NR2C2: variants seen among roughly 807,000 people sequenced by gnomAD.
NR2C2 encodes Nuclear hormone receptor TR4.
Under a neutral mutation model 62.9 loss-of-function variants are expected in NR2C2, and 6 were observed. That is an observed-to-expected ratio of 0.10 (90% CI 0.05 to 0.19). The LOEUF (loss-of-function observed/expected upper bound fraction) is 0.19. NR2C2 is among the 10% of genes least tolerant of loss of function. The pLI, the probability that NR2C2 is intolerant of heterozygous loss-of-function variation, is 1.00. For missense variants in NR2C2, 479 were observed against 762.7 expected (o/e 0.63, Z 4.38); for synonymous variants, 272 against 273.8 (o/e 0.99, Z 0.07).
At chr3:14,982,779 C>T (rs1165695554) in intron 1 of NR2C2, among the ~76,000 whole-genome samples, 1 of 152,012 alleles carries the variant, frequency 6.6e-6, no homozygotes, top group African/African-American at 2.4e-5. Flanking sequence ...CTTATTCTGG[C>T]AGAGAGCTCC....
chr3:15,001,014 C>T (rs2040978152), intron 1 of NR2C2, among the ~76,000 whole-genome samples: 1 of 151,906 alleles, frequency 6.6e-6, no homozygotes, highest in Admixed American at 6.6e-5. Flanking sequence ...CAGGGTTTCA[C>T]TGTGTTAGCC....
intron 4 of NR2C2, among the ~76,000 whole-genome samples, chr3:15,018,305 T>G (rs151038917): frequency 9.2e-5 from 14 of 152,260 alleles, no homozygotes; most frequent in African/African-American, 2.4e-4. Context: ...CCAGGGGCAC[T>G]TTTTAATGTC....
chr3:15,024,134 C>G lies in NR2C2; in HGVS notation c.724C>G (p.Pro242Ala), dbSNP rs1449211349. The stretch of plus-strand genomic sequence containing the variant: ...AAATAGACAAACAGGTCTTCTTGAT[C>G]CAGGGATGCTTGTGAACATCCAGCA... ...DGARQTGLLD[P>A]GMLVNIQQPL... The change falls in exon 7 of 14, where the codon CCA (proline) becomes GCA (alanine). Residue 242 changes from proline (P) to alanine (A), a missense_variant. Transcript: ENST00000425241. 18 of 1,612,718 alleles carry G rather than the reference C, an allele frequency of 1.1e-5. No individual in the cohort carries two copies. The highest frequency in any genetic ancestry group is 1.4e-5 in the Non-Finnish European group (17 of 1,179,284).
rs2039293494 is a variant in NR2C2, at chr3:14,949,843, G to A, written c.-40+1937G>A. On this transcript the variant is annotated intron_variant, in intron 1 of 13. Coordinates refer to ENST00000425241, the MANE Select transcript of NR2C2 (RefSeq NM_001291694.2). ...GTTGAATATAATTCTCTGTGTGTGA[G>A]TTCTCTCTTTCTCTCTCTCGAGATA... Among the ~76,000 whole-genome samples the A allele has an allele frequency of 5.9e-5, 9 of 152,264 alleles. No homozygotes were observed. The South Asian group carries it at 1.9e-3, about 32-fold the overall frequency.
intron 1 of NR2C2, among the ~76,000 whole-genome samples, chr3:14,967,538 C>T (rs2039892809): frequency 6.6e-6 from 1 of 151,806 alleles, no homozygotes; most frequent in Non-Finnish European, 1.5e-5. Flanking sequence ...TTTTAAAAAA[C>T]AATGTGGTTC....
intron 1 of NR2C2, among the ~76,000 whole-genome samples, chr3:14,991,593 T>A (rs2040672136): frequency 6.6e-6 from 1 of 152,222 alleles, no homozygotes; most frequent in African/African-American, 2.4e-5. Flanking sequence ...ATCTGCACAA[T>A]GTTTTTTCAC....
At chr3:14,995,394 A>G (rs1462098047) in intron 1 of NR2C2, among the ~76,000 whole-genome samples, 2 of 149,628 alleles carry the variant, frequency 1.3e-5, no homozygotes, top group Admixed American at 1.3e-4. Context: ...TTTACTTTCT[A>G]TCTTTATATT....
At chr3:15,000,814 G>GTTTT (rs60214973) in intron 1 of NR2C2, among the ~76,000 whole-genome samples, 1 of 127,050 alleles carries the variant, frequency 7.9e-6, no homozygotes. Context: ...ATTTATTTAG[G>GTTTT]TTTTTTTTTT....
At position 14,956,506 on chromosome 3, in the gene NR2C2, G is replaced by A. The variant is rs568992488; in HGVS notation, c.-40+8600G>A. ...GCCCAGTTGTACAGTTTAACAGGGC[G>A]AATTACAAATGCTTTGTGTGGGTGT... On this transcript the variant is annotated intron_variant, in intron 1 of 13. Transcript: ENST00000425241. Among the ~76,000 whole-genome samples the A allele has an allele frequency of 2.6e-5, 4 of 152,236 alleles. No homozygotes were observed. In the South Asian group the frequency reaches 8.3e-4, roughly 32 times the overall value.
rs574496685 is a variant in NR2C2 at position 14,958,048 on chromosome 3, C to G, written c.-40+10142C>G. 3.5e-4 allele frequency among the ~76,000 whole-genome samples: 54 copies of G among 152,344 alleles called. No homozygotes were observed. In the South Asian group the frequency reaches 5.0e-3, roughly 14 times the overall value. On this transcript the variant is annotated intron_variant, in intron 1 of 13. Coordinates refer to ENST00000425241, the MANE Select transcript of NR2C2 (RefSeq NM_001291694.2). ...CCTTGCTACATTTCCATTCTTCCTT[C>G]AAGACCTAGTTTAAATAATTCCTCT... is the stretch of plus-strand genomic sequence containing the variant.
chr3:15,040,835 C>T (rs544912241), intron 13 of NR2C2, among the ~76,000 whole-genome samples: 1 of 152,298 alleles, frequency 6.6e-6, no homozygotes, highest in East Asian at 1.9e-4. Flanking sequence ...ATTTATACAT[C>T]CAGCCAGGTA....
At chr3:14,995,700 A>C (rs1461328137) in intron 1 of NR2C2, among the ~76,000 whole-genome samples, 1 of 97,070 alleles carries the variant, frequency 1.0e-5, no homozygotes, top group Non-Finnish European at 2.0e-5. Context: ...TGTACACCTA[A>C]GAGTGGAATT....
At chr3:14,990,897 G>A (rs532063957) in intron 1 of NR2C2, among the ~76,000 whole-genome samples, 23 of 152,268 alleles carry the variant, frequency 1.5e-4, no homozygotes, top group Admixed American at 6.5e-4. Flanking sequence ...TTAGCAAATC[G>A]TTTCTTAATA....
chr3:15,035,020 T>C (rs2042070082), intron 11 of NR2C2, among the ~76,000 whole-genome samples: 1 of 152,198 alleles, frequency 6.6e-6, no homozygotes, highest in Non-Finnish European at 1.5e-5. Flanking sequence ...GGGCTGGGCA[T>C]GGTGGCTCAC....
Position 15,016,139 on chromosome 3 carries a change from T to C in NR2C2, c.274-13T>C, listed in dbSNP as rs754494503. The C allele has an allele frequency of 3.1e-6, 5 of 1,608,636 alleles. No homozygotes were observed. In the Admixed American group the frequency reaches 8.3e-5, roughly 27 times the overall value. On this transcript the variant is annotated splice_polypyrimidine_tract_variant and intron_variant, in intron 3 of 13. Transcript: ENST00000425241. ...TTAATTGGCACCCCTGTTCGTTTCC[T>C]GATTTCTCTCAGATTGTCACGGATT...
rs147117197 is a variant in NR2C2, at chr3:15,020,889, T to C, written c.513T>C (p.Phe171=). 18 of 1,614,050 alleles carry C rather than the reference T, an allele frequency of 1.1e-5. No homozygotes were observed. Among genetic ancestry groups the C allele is most frequent in the Non-Finnish European group, 1.4e-5 (17 of 1,180,038 alleles). The stretch of plus-strand genomic sequence containing the variant: ...AACATCACCGGAACCGCTGTCAGTT[T>C]TGCCGGCTGAAAAAATGCTTAGAGA... ...INKHHRNRCQ[F]CRLKKCLEMG... is the part of the protein sequence containing the mutation. The change falls in exon 5 of 14, where the codon TTT becomes TTC. Residue 171 remains phenylalanine (F), a synonymous_variant. Transcript: ENST00000425241.
intron 1 of NR2C2, among the ~76,000 whole-genome samples, chr3:14,998,062 G>A (rs73145282): frequency 0.021 from 3,196 of 152,210 alleles, 99 homozygotes; most frequent in African/African-American, 0.072. Flanking sequence ...GTGGTCTTTC[G>A]TGGCTGAGTC....
At chr3:15,023,389 T>C in intron 6 of NR2C2, 42 bp downstream of exon 6, 1 of 1,609,060 alleles carries the variant, frequency 6.2e-7, no homozygotes, top group East Asian at 2.2e-5. Flanking sequence ...TTGCAGCTGA[T>C]GGAGGAGGCA....
chr3:14,980,452 C>T (rs1486221421), intron 1 of NR2C2, among the ~76,000 whole-genome samples: 3 of 152,052 alleles, frequency 2.0e-5, no homozygotes, highest in Admixed American at 2.0e-4. Flanking sequence ...TGTGAGCTGT[C>T]GTGCCCAGCC....
Sources: gnomAD v4.1 joint callset for allele counts (sites outside exome capture counted in the v4.1 genomes callset) on GRCh38, gnomAD v4.1.1 for gene constraint, MANE v1.5 for transcripts, NCBI Gene and HGNC (gene_info 2026-07-23, HGNC 2026-07-21) for gene names.